Variants in RANBP2 observed in about 807,000 individuals in gnomAD.
The protein encoded by RANBP2 is RAN binding protein 2.
In RANBP2, 57 loss-of-function variants were observed where a neutral mutation model predicts 303.6. The ratio of observed to expected loss-of-function variants is 0.19; its 90% CI spans 0.15 to 0.23. The LOEUF (loss-of-function observed/expected upper bound fraction) is 0.23. Ranked by LOEUF, RANBP2 falls within the 10% of genes least tolerant of loss-of-function variation. The pLI is 1.00. For synonymous variants in RANBP2, 1,167 were observed against 1,301.5 expected (o/e 0.90, Z 2.23); for missense variants, 3,138 against 3,780.8 (o/e 0.83, Z 4.46).
At chr2:109,142,045 G>A in the RANBP2 span, among the ~76,000 whole-genome samples, 1 of 147,664 alleles carries the variant, frequency 6.8e-6, no homozygotes, top group Non-Finnish European at 1.5e-5. Context: ...GAGTCTCCTG[G>A]GGGGGGGGTC....
the RANBP2 span, among the ~76,000 whole-genome samples, chr2:109,656,095 A>G: frequency 1.3e-5 from 2 of 152,214 alleles, no homozygotes; most frequent in Non-Finnish European, 2.9e-5. Context: ...CTGCCTCAGC[A>G]GGATGATCCT....
the RANBP2 span, among the ~76,000 whole-genome samples, chr2:109,277,319 G>C: frequency 2.0e-5 from 3 of 152,182 alleles, no homozygotes; most frequent in Non-Finnish European, 4.4e-5. Flanking sequence ...ATGATGGTTT[G>C]ATTGGATTTT....
downstream of RANBP2, among the ~76,000 whole-genome samples, chr2:108,789,460 G>C (rs769339007): frequency 6.6e-6 from 1 of 152,178 alleles, no homozygotes; most frequent in African/African-American, 2.4e-5. Context: ...CAGGCTTGGT[G>C]GTGTGCGTCT....
chr2:109,115,915 TC>T, the RANBP2 span, among the ~76,000 whole-genome samples: 1 of 152,258 alleles, frequency 6.6e-6, no homozygotes, highest in African/African-American at 2.4e-5. Flanking sequence ...GATATGAAAT[TC>T]TGGGTTGAAA....
the RANBP2 span, among the ~76,000 whole-genome samples, chr2:109,566,438 G>A: frequency 2.6e-5 from 4 of 151,916 alleles, no homozygotes; most frequent in Non-Finnish European, 5.9e-5. Context: ...CACCACACCT[G>A]GCCGAAAAAG....
At chr2:109,497,230 C>A in the RANBP2 span, among the ~76,000 whole-genome samples, 1 of 152,180 alleles carries the variant, frequency 6.6e-6, no homozygotes, top group Non-Finnish European at 1.5e-5. Flanking sequence ...GTATTCTTAT[C>A]CCCAAGTTCC....
the RANBP2 span, among the ~76,000 whole-genome samples, chr2:109,470,140 T>C: frequency 1.3e-5 from 2 of 152,132 alleles, no homozygotes; most frequent in Non-Finnish European, 2.9e-5. Flanking sequence ...GGATTCCTTG[T>C]CCCTTCTGGG....
the RANBP2 span, among the ~76,000 whole-genome samples, chr2:109,452,528 A>G: frequency 4.6e-5 from 7 of 152,162 alleles, no homozygotes; most frequent in African/African-American, 1.4e-4. Context: ...AGGCCCTTCC[A>G]TGCATGTACC....
the RANBP2 span, among the ~76,000 whole-genome samples, chr2:108,963,008 G>A: frequency 5.3e-5 from 8 of 152,264 alleles, no homozygotes; most frequent in African/African-American, 1.9e-4. Context: ...AGGGACATCT[G>A]CACCAGCGAT....
At chr2:109,239,417 T>G in the RANBP2 span, among the ~76,000 whole-genome samples, 1 of 152,216 alleles carries the variant, frequency 6.6e-6, no homozygotes, top group Non-Finnish European at 1.5e-5. Flanking sequence ...AGGATACAGT[T>G]TTCTAGTGAA....
At chr2:108,952,031 T>C in the RANBP2 span, among the ~76,000 whole-genome samples, 1 of 152,254 alleles carries the variant, frequency 6.6e-6, no homozygotes, top group Non-Finnish European at 1.5e-5. Flanking sequence ...AAGCATGTTT[T>C]ATTTTTCTCT....
At chr2:108,774,395 A>G (rs1677725955) in intron 23 of RANBP2, among the ~76,000 whole-genome samples, 1 of 152,158 alleles carries the variant, frequency 6.6e-6, no homozygotes, top group Non-Finnish European at 1.5e-5. Flanking sequence ...CAGGAGTTCC[A>G]GGCTGCAGTG....
chr2:108,931,006 A>G, the RANBP2 span: 6 of 1,613,838 alleles, frequency 3.7e-6, no homozygotes, highest in East Asian at 6.7e-5. Flanking sequence ...AGTCCCCCAC[A>G]TGGGCCATCC....
At chr2:108,802,310 A>G in the RANBP2 span, among the ~76,000 whole-genome samples, 1 of 101,180 alleles carries the variant, frequency 9.9e-6, no homozygotes, top group Admixed American at 1.0e-4. Context: ...TTCCTTGAGC[A>G]GTGGTTTGTA....
the RANBP2 span, among the ~76,000 whole-genome samples, chr2:109,002,200 G>A: frequency 6.6e-6 from 1 of 152,224 alleles, no homozygotes; most frequent in Non-Finnish European, 1.5e-5. Context: ...ACCAATGCAG[G>A]AGGCCCCCAG....
the RANBP2 span, among the ~76,000 whole-genome samples, chr2:109,488,472 G>A: frequency 4.6e-5 from 7 of 152,194 alleles, no homozygotes; most frequent in East Asian, 1.9e-4. Context: ...AGGGGCTGAC[G>A]GGCCCAGCTG....
At chr2:108,923,301 A>C in the RANBP2 span, 21 of 1,483,000 alleles carry the variant, frequency 1.4e-5, no homozygotes, top group African/African-American at 2.1e-4. Context: ...TCTTTCCTAC[A>C]CCCTCTGTAG....
At chr2:109,246,140 T>C in the RANBP2 span, among the ~76,000 whole-genome samples, 604 of 152,366 alleles carry the variant, frequency 4.0e-3, 5 homozygotes, top group African/African-American at 0.014. Flanking sequence ...ATACCTGCTT[T>C]GCAGGGTGGT....
chr2:109,059,402 C>T, the RANBP2 span, among the ~76,000 whole-genome samples: 1 of 151,988 alleles, frequency 6.6e-6, no homozygotes, highest in Non-Finnish European at 1.5e-5. Context: ...GGTGAAACCC[C>T]GTCTCTACTA....
Sources: gnomAD v4.1 joint callset for allele counts (sites outside exome capture counted in the v4.1 genomes callset) on GRCh38, gnomAD v4.1.1 for gene constraint, MANE v1.5 for transcripts, NCBI Gene and HGNC (gene_info 2026-07-23, HGNC 2026-07-21) for gene names.